The following ANO2 variants were observed in gnomAD, a reference collection of about 807,000 sequenced individuals.
ANO2 encodes anoctamin 2.
A neutral mutation model predicts 124.2 loss-of-function variants in ANO2; 101 were observed. The observed-to-expected ratio is 0.81, with a 90% CI of 0.69 to 0.96. The LOEUF (loss-of-function observed/expected upper bound fraction) is 0.96, where lower values mean the gene tolerates loss of function less well. Among genes scored for constraint, ANO2 ranks in the 40% least tolerant of loss-of-function variants. The probability of loss-of-function intolerance (pLI) is 0.00; values close to 1 mark genes in which losing one functional copy is unlikely to be tolerated. For synonymous variants in ANO2, 486 were observed against 482.5 expected (o/e 1.01, Z -0.09); for missense variants, 1,293 against 1,274.5 (o/e 1.01, Z -0.22).
intron 1 of ANO2, among the ~76,000 whole-genome samples, chr12:5,924,130 T>C (rs1941967059): frequency 6.6e-6 from 1 of 152,186 alleles, no homozygotes; most frequent in Non-Finnish European, 1.5e-5. Flanking sequence ...AAGCACCTGC[T>C]CAGTGAATGA....
At chr12:5,633,918 C>T (rs185192554) in intron 16 of ANO2, among the ~76,000 whole-genome samples, 2 of 152,296 alleles carry the variant, frequency 1.3e-5, no homozygotes, top group Admixed American at 1.3e-4. Flanking sequence ...ATCCCCTCCT[C>T]CCTATATGCA....
chr12:5,731,136 CA>C (rs1950615668), intron 14 of ANO2, among the ~76,000 whole-genome samples: 1 of 152,166 alleles, frequency 6.6e-6, no homozygotes, highest in Admixed American at 6.5e-5. Flanking sequence ...TAAAATTATC[CA>C]TTGTATATTG....
At chr12:5,772,399 T>C (rs1280950119) in intron 10 of ANO2, among the ~76,000 whole-genome samples, 1 of 152,244 alleles carries the variant, frequency 6.6e-6, no homozygotes, top group Non-Finnish European at 1.5e-5. Context: ...CGTAGTCGCC[T>C]AAATCTTCTC....
chr12:5,576,093 G>A (rs2136838070), intron 22 of ANO2, 78 bp from the exon 23 acceptor site: 1 of 1,397,326 alleles, frequency 7.2e-7, no homozygotes, highest in East Asian at 2.5e-5. Context: ...CTCCCCATCA[G>A]AAGGAGCTGC....
chr12:5,571,182 G>A (rs1207452279), intron 23 of ANO2, among the ~76,000 whole-genome samples: 2 of 152,240 alleles, frequency 1.3e-5, no homozygotes, highest in African/African-American at 4.8e-5. Flanking sequence ...GGCTCTTCGA[G>A]CTCTGAGACA....
intron 20 of ANO2, among the ~76,000 whole-genome samples, chr12:5,590,893 G>GA (rs762749851): frequency 6.6e-6 from 1 of 152,188 alleles, no homozygotes; most frequent in Non-Finnish European, 1.5e-5. Context: ...ATTAACAAGA[G>GA]AAAAAACTAG....
chr12:5,823,425 C>T (rs1006841920), intron 7 of ANO2, among the ~76,000 whole-genome samples: 2 of 152,140 alleles, frequency 1.3e-5, no homozygotes, highest in Admixed American at 6.5e-5. Context: ...TTGACCAAAA[C>T]AAAGGGGTTA....
At position 5,921,751 on chromosome 12, in the gene ANO2, C is replaced by T. The variant is rs73257283; in HGVS notation, c.208-385G>A. On this transcript the variant is annotated intron_variant, in intron 2 of 24. Transcript: ENST00000682330. ...GCACCTGCAGATGCACACGCAGCCA[C>T]CTCTACCCTTGTCTCCCTGCACCAG... 8.4e-3 allele frequency among the ~76,000 whole-genome samples: 1,278 copies of T among 152,240 alleles called. 18 individuals carry two copies. Among genetic ancestry groups the T allele is most frequent in the African/African-American group, 0.028 (1,176 of 41,538 alleles).
At chr12:5,894,258 C>G (rs1939616603) in intron 3 of ANO2, among the ~76,000 whole-genome samples, 1 of 152,054 alleles carries the variant, frequency 6.6e-6, no homozygotes, top group South Asian at 2.1e-4. Context: ...AGTTTTTTTT[C>G]ATCTGTTTGT....
At chr12:5,909,359 T>C (rs1355577874) in intron 3 of ANO2, among the ~76,000 whole-genome samples, 10 of 152,250 alleles carry the variant, frequency 6.6e-5, no homozygotes, top group African/African-American at 2.4e-4. Context: ...TTTATTCATG[T>C]TACTTTTTAG....
At chr12:5,911,800 A>G (rs931749687) in intron 3 of ANO2, among the ~76,000 whole-genome samples, 1 of 152,252 alleles carries the variant, frequency 6.6e-6, no homozygotes, top group African/African-American at 2.4e-5. Context: ...TGCCAGTCAC[A>G]TATTCTCTCT....
At position 5,912,547 on chromosome 12, in the gene ANO2, G is replaced by C. The variant is rs2136293466; in HGVS notation, c.534+8493C>G. On this transcript the variant is annotated intron_variant, in intron 3 of 24. Transcript: ENST00000682330. ...ATGTACCTGGATTTGGGGGCTTGGA[G>C]GCTTGCCTTGCCCCTCCCTGCTTTC... is the stretch of plus-strand genomic sequence containing the variant. 2.0e-5 allele frequency among the ~76,000 whole-genome samples: 3 copies of C among 152,284 alleles called. No homozygotes were observed. The Middle Eastern group carries it at 0.01, about 518-fold the overall frequency.
At chr12:5,880,892 G>A (rs1429071995) in intron 3 of ANO2, among the ~76,000 whole-genome samples, 3 of 80,980 alleles carry the variant, frequency 3.7e-5, no homozygotes, top group African/African-American at 9.1e-5. Context: ...GAGTGGATGG[G>A]TAGGTGGGGG....
chr12:5,813,883 G>A (rs1376377777), intron 7 of ANO2, among the ~76,000 whole-genome samples: 1 of 152,156 alleles, frequency 6.6e-6, no homozygotes, highest in Non-Finnish European at 1.5e-5. Flanking sequence ...GTTTTATGAG[G>A]GGAGAAACTG....
At chr12:5,919,772 A>C (rs1267799944) in intron 3 of ANO2, among the ~76,000 whole-genome samples, 3 of 151,794 alleles carry the variant, frequency 2.0e-5, no homozygotes, top group Non-Finnish European at 4.4e-5. Context: ...ATCTCGGCTC[A>C]CTGCAAGCTC....
intron 14 of ANO2, among the ~76,000 whole-genome samples, chr12:5,711,789 G>A (rs1207886943): frequency 3.9e-5 from 6 of 152,176 alleles, no homozygotes; most frequent in Admixed American, 3.9e-4. Context: ...AGATTAACGA[G>A]TTTGGGTTCC....
At chr12:5,693,126 A>G (rs1949015703) in intron 14 of ANO2, among the ~76,000 whole-genome samples, 1 of 152,106 alleles carries the variant, frequency 6.6e-6, no homozygotes, top group Non-Finnish European at 1.5e-5. Context: ...GCATCTACCC[A>G]TTGGGTGAGC....
intron 11 of ANO2, among the ~76,000 whole-genome samples, chr12:5,745,419 G>A (rs1951237592): frequency 6.6e-6 from 1 of 152,200 alleles, no homozygotes; most frequent in South Asian, 2.1e-4. Flanking sequence ...CCAGCACTGA[G>A]AACCACAGCT....
intron 4 of ANO2, among the ~76,000 whole-genome samples, chr12:5,840,325 T>C (rs1435405088): frequency 6.6e-6 from 1 of 152,162 alleles, no homozygotes; most frequent in Non-Finnish European, 1.5e-5. Context: ...TTTACTGTCT[T>C]TTCTTACTTC....
Sources: allele counts gnomAD v4.1 joint callset (sites outside exome capture counted in the v4.1 genomes callset), GRCh38; gene constraint gnomAD v4.1.1; transcripts MANE v1.5; gene names NCBI Gene and HGNC (gene_info 2026-07-23, HGNC 2026-07-21).